Variants in TEAD1 observed in about 807,000 individuals in gnomAD.
TEAD1 encodes TEA domain transcription factor 1.
TEAD1 carries 9 observed loss-of-function variants against 54.9 expected under a neutral mutation model. The ratio of observed to expected loss-of-function variants is 0.16; its 90% confidence interval spans 0.10 to 0.29. The LOEUF (loss-of-function observed/expected upper bound fraction) is 0.29. Ranked by LOEUF, TEAD1 falls within the 10% of genes least tolerant of loss-of-function variation. The probability of loss-of-function intolerance (pLI) is 1.00; values close to 1 mark genes in which losing one functional copy is unlikely to be tolerated. For synonymous variants in TEAD1, 200 were observed against 187.8 expected, an observed-to-expected ratio of 1.07 and a Z score of -0.53; for missense variants, 387 against 535.9, an observed-to-expected ratio of 0.72 and a Z score of 2.74.
Position 12,814,618 on chromosome 11 carries a change from G to A in TEAD1, c.203-47632G>A, listed in dbSNP as rs77990437. Among the ~76,000 whole-genome samples the A allele has an allele frequency of 7.3e-3, 1,111 of 152,332 alleles. 11 individuals are homozygous for A. Among genetic ancestry groups the A allele is most frequent in the East Asian group, 0.041 (213 of 5,178 alleles). On this transcript the variant is annotated intron_variant, in intron 3 of 12. Transcript: ENST00000527636. ...TTCAGAAGCCGAATAAATGAAGAGC[G>A]TGACAGCACTTGAGAGTCTTTGCGC...
chr11:12,711,160 A>G (rs1360830350), intron 2 of TEAD1, among the ~76,000 whole-genome samples: 1 of 152,126 alleles, frequency 6.6e-6, no homozygotes, highest in East Asian at 1.9e-4. Context: ...GGATTGAAAG[A>G]GAAAGACGAG....
At chr11:12,840,272 A>AAAAAAAAAAG in intron 3 of TEAD1, among the ~76,000 whole-genome samples, 1 of 131,300 alleles carries the variant, frequency 7.6e-6, no homozygotes, top group African/African-American at 2.6e-5. Context: ...AGAAAAAAAA[A>AAAAAAAAAAG]AGACCAGAAA....
At chr11:12,907,752 G>T (rs1336031287) in intron 10 of TEAD1, among the ~76,000 whole-genome samples, 1 of 152,202 alleles carries the variant, frequency 6.6e-6, no homozygotes, top group Non-Finnish European at 1.5e-5. Context: ...CACACATGAA[G>T]AAATCAAACC....
intron 2 of TEAD1, among the ~76,000 whole-genome samples, chr11:12,716,530 T>C (rs1163541781): frequency 6.6e-6 from 1 of 152,172 alleles, no homozygotes; most frequent in South Asian, 2.1e-4. Flanking sequence ...GGCACTTGCT[T>C]CTTAGTCAGG....
chr11:12,834,276 C>G (rs1313528730), intron 3 of TEAD1, among the ~76,000 whole-genome samples: 1 of 152,170 alleles, frequency 6.6e-6, no homozygotes, highest in Non-Finnish European at 1.5e-5. Flanking sequence ...TTAGACTATT[C>G]TTTTTAAATC....
intron 3 of TEAD1, among the ~76,000 whole-genome samples, chr11:12,789,220 G>A (rs1192319432): frequency 6.6e-6 from 1 of 152,160 alleles, no homozygotes; most frequent in African/African-American, 2.4e-5. Context: ...GTAAAATGGG[G>A]ACAATGAAAC....
chr11:12,682,401 G>T (rs1943241599), intron 2 of TEAD1, among the ~76,000 whole-genome samples: 1 of 152,192 alleles, frequency 6.6e-6, no homozygotes. Flanking sequence ...TTGTAGAGGT[G>T]TGTGTCACGG....
At chr11:12,831,131 T>C (rs1358420271) in intron 3 of TEAD1, among the ~76,000 whole-genome samples, 1 of 152,184 alleles carries the variant, frequency 6.6e-6, no homozygotes, top group African/African-American at 2.4e-5. Flanking sequence ...TTCTTCCTTC[T>C]TTGGTTCCCA....
At chr11:12,674,931 G>A (rs1353930691) in intron 1 of TEAD1, 97 bp downstream of exon 1, 2 of 150,126 alleles carry the variant, frequency 1.3e-5, no homozygotes, top group Non-Finnish European at 3.0e-5. Context: ...TTTCTTTGCG[G>A]GCTCTGCTTT....
At chr11:12,926,342 T>C (rs1948902457) in intron 11 of TEAD1, among the ~76,000 whole-genome samples, 2 of 152,108 alleles carry the variant, frequency 1.3e-5, no homozygotes, top group Admixed American at 1.3e-4. Flanking sequence ...CAGAAGAGGA[T>C]CCAGGGGAGT....
intron 2 of TEAD1, among the ~76,000 whole-genome samples, chr11:12,713,809 T>C (rs2133855410): frequency 6.6e-6 from 1 of 152,218 alleles, no homozygotes; most frequent in East Asian, 1.9e-4. Context: ...GTGTCAGCTC[T>C]CTCCTCTCAT....
chr11:12,881,020 A>G lies in TEAD1; in HGVS notation c.481A>G (p.Ile161Val). 1 of 1,614,176 alleles carries G rather than the reference A, an allele frequency of 6.2e-7. No homozygotes were observed. Among genetic ancestry groups the G allele is most frequent in the Non-Finnish European group, 8.5e-7 (1 of 1,180,038 alleles). Residue 161 changes from isoleucine (I) to valine (V), a missense_variant, in exon 7 of 13, where the codon ATT becomes GTT. By Grantham distance (29) the Ile-to-Val change is conservative (BLOSUM62 3). Around this residue, in one of 5 missense-constraint regions of TEAD1, gnomAD observed 180 missense variants for 180.6 expected, o/e 1.00. Transcript: ENST00000527636. Reference sequence around the variant, plus strand: ...TGCCTTCCAGTTCTGGCCGGGAATGATTCAAACAGGGCAGCCAGGATCCTC... The same window carrying G: ...TGCCTTCCAGTTCTGGCCGGGAATGGTTCAAACAGGGCAGCCAGGATCCTC...
chr11:12,682,196 G>A (rs967034864), intron 2 of TEAD1, among the ~76,000 whole-genome samples: 1 of 152,180 alleles, frequency 6.6e-6, no homozygotes, highest in Admixed American at 6.5e-5. Flanking sequence ...TATTTGTGAG[G>A]CAGTGTACCT....
At chr11:12,851,803 GA>G (rs796812154) in intron 3 of TEAD1, among the ~76,000 whole-genome samples, 5,444 of 143,200 alleles carry the variant, frequency 0.038, 328 homozygotes, top group African/African-American at 0.13. Context: ...CCAAAAAAAG[GA>G]AAAAAAAAAA....
intron 2 of TEAD1, among the ~76,000 whole-genome samples, chr11:12,724,326 G>A (rs556813945): frequency 1.6e-4 from 25 of 152,304 alleles, no homozygotes; most frequent in African/African-American, 5.5e-4. Flanking sequence ...ATCGAGGCTC[G>A]ATTTCAATTT....
At chr11:12,918,619 CTA>C (rs140911630) in intron 10 of TEAD1, among the ~76,000 whole-genome samples, 1,580 of 152,178 alleles carry the variant, frequency 0.01, 17 homozygotes, top group African/African-American at 0.036. Flanking sequence ...CACGTAGACT[CTA>C]TGACCGAGTA....
At chr11:12,771,126 C>T (rs1945302903) in intron 3 of TEAD1, among the ~76,000 whole-genome samples, 1 of 152,122 alleles carries the variant, frequency 6.6e-6, no homozygotes, top group Non-Finnish European at 1.5e-5. Flanking sequence ...GCTGAAGGAA[C>T]ATGTGATAAA....
At chr11:12,856,366 G>A (rs1947379679) in intron 3 of TEAD1, among the ~76,000 whole-genome samples, 1 of 152,144 alleles carries the variant, frequency 6.6e-6, no homozygotes, top group Non-Finnish European at 1.5e-5. Flanking sequence ...AAAAATACAA[G>A]TTACCAGCAA....
chr11:12,854,340 G>T (rs1390591424), intron 3 of TEAD1, among the ~76,000 whole-genome samples: 1 of 152,138 alleles, frequency 6.6e-6, no homozygotes, highest in Non-Finnish European at 1.5e-5. Flanking sequence ...AGCACTGGAT[G>T]CACAGTGATG....
Sources: gnomAD v4.1 joint callset for allele counts (sites outside exome capture counted in the v4.1 genomes callset) on GRCh38, gnomAD v4.1.1 for gene constraint, gnomAD v4.1.1 regional missense constraint, MANE v1.5 for transcripts, NCBI Gene and HGNC (gene_info 2026-07-23, HGNC 2026-07-21) for gene names.